PRR12: variants seen among roughly 807,000 people sequenced by gnomAD.
PRR12 encodes the protein proline rich 12, also known as proline-rich protein 12.
A neutral mutation model predicts 138.0 loss-of-function variants in PRR12; 12 were observed. The ratio of observed to expected loss-of-function variants is 0.09; its 90% CI spans 0.06 to 0.14. The LOEUF (loss-of-function observed/expected upper bound fraction) is 0.14, where lower values mean the gene tolerates loss of function less well. Ranked by LOEUF, PRR12 falls within the 10% of genes least tolerant of loss-of-function variation. The pLI, the probability that PRR12 is intolerant of heterozygous loss-of-function variation, is 1.00. For synonymous variants in PRR12, 1,567 were observed against 1,291.7 expected, an observed-to-expected ratio of 1.21 and a Z score of -4.57; for missense variants, 2,692 against 2,861.3, an observed-to-expected ratio of 0.94 and a Z score of 1.35.
In PRR12 at chr19:49,601,068, A is replaced by G. The variant is rs542021999; in HGVS notation, c.4346-423A>G. Among the ~76,000 whole-genome samples the G allele has an allele frequency of 9.2e-5, 14 of 152,216 alleles. No homozygotes were observed. The South Asian group carries it at 2.9e-3, about 32-fold the overall frequency. On this transcript the variant is annotated intron_variant, in intron 5 of 13. Transcript: ENST00000418929. ...AGCCTGAAGAAGGGAGCTGGCAGAC[A>G]GGGGAGAGGTTAGCAGTCTGCATAC...
intron 5 of PRR12, among the ~76,000 whole-genome samples, chr19:49,600,870 G>A (rs1376550112): frequency 3.3e-5 from 5 of 151,928 alleles, no homozygotes; most frequent in East Asian, 3.9e-4. Flanking sequence ...GACTACAGGC[G>A]CGCACCACCA....
rs769282572 is a variant in PRR12, at chr19:49,624,886, G to C, written c.5764G>C (p.Gly1922Arg). Residue 1922 changes from glycine (G) to arginine (R), a missense_variant, in exon 12 of 14, where the codon GGG becomes CGG. Physicochemically the swap from Gly to Arg is moderately radical, Grantham distance 125. Coordinates refer to ENST00000418929, the MANE Select transcript of PRR12 (RefSeq NM_020719.3). ...CCCACAGCTGCAAGTGGAGCAGAGT[G>C]GGGAGGGCTCTCCGGAAGAGGGGGC... ...TFPQLQVEQS[G>R]EGSPEEGAVR... 9 of 1,611,220 alleles carry C rather than the reference G, an allele frequency of 5.6e-6. No homozygotes were observed. The highest frequency in any genetic ancestry group is 1.7e-5 in the Admixed American group (1 of 59,752).
At chr19:49,613,759 G>A (rs147661249) in intron 6 of PRR12, among the ~76,000 whole-genome samples, 1 of 152,282 alleles carries the variant, frequency 6.6e-6, no homozygotes, top group Non-Finnish European at 1.5e-5. Context: ...CTTTTTCAGT[G>A]TCTTAGACTC....
Position 49,594,455 on chromosome 19 carries a change from C to G in PRR12, c.201C>G (p.Gly67=), listed in dbSNP as rs1275740409. 6.3e-7 allele frequency: 1 copy of G among 1,586,832 alleles called. No individual in the cohort carries two copies. The change falls in exon 3 of 14, where the codon GGC becomes GGG. Residue 67 remains glycine, a splice_region_variant and synonymous_variant. Coordinates refer to ENST00000418929, the MANE Select transcript of PRR12 (RefSeq NM_020719.3). This position sits in a 1 kb window ranked among gnomAD's most constrained non-coding sequence, Gnocchi z 5.6. ...QSYATNHHPA[G]LSGLFDTGLH... ...ACTATAACCCCTGTCCCCGGCCAGGCCTCTCTGGACTCTTCGACACTGGCC... is the reference window on the plus strand; with the variant it reads ...ACTATAACCCCTGTCCCCGGCCAGGGCTCTCTGGACTCTTCGACACTGGCC...
intron 11 of PRR12, among the ~76,000 whole-genome samples, chr19:49,622,562 A>T (rs552722988): frequency 6.7e-6 from 1 of 149,074 alleles, no homozygotes; most frequent in South Asian, 2.1e-4. Context: ...ACTGCACTCC[A>T]GCCTGGGCGA....
In PRR12 at chr19:49,623,631, T is replaced by TA. The variant is rs76408039; in HGVS notation, c.5722-1197dup. On this transcript the variant is annotated intron_variant, in intron 11 of 13. Transcript: ENST00000418929. ...TGGGCGACAGAGCGAGACTTTGTCTTAAAAAAAAAAAAAAAAGAATTCTGG... is the reference window on the plus strand; with the variant it reads ...TGGGCGACAGAGCGAGACTTTGTCTTAAAAAAAAAAAAAAAAAGAATTCTGG... Among the ~76,000 whole-genome samples the TA allele has an allele frequency of 5.4e-3, 719 of 133,676 alleles. 4 individuals carry two copies. The highest frequency in any genetic ancestry group is 0.015 in the African/African-American group (531 of 36,034). 87.7% of individuals were successfully genotyped at this position (133,676 alleles called of 152,430 possible).
intron 1 of PRR12, among the ~76,000 whole-genome samples, chr19:49,592,923 T>C (rs1235434812): frequency 6.6e-6 from 1 of 150,754 alleles, no homozygotes; most frequent in Non-Finnish European, 1.5e-5. Context: ...GAGGCGTCCA[T>C]GTGGACCTCT....
chr19:49,622,926 T>TAGAGAGAG (rs1195125504), intron 11 of PRR12, among the ~76,000 whole-genome samples: 4 of 87,484 alleles, frequency 4.6e-5, no homozygotes, highest in East Asian at 4.8e-4. Flanking sequence ...TATATATATA[T>TAGAGAGAG]ATAGAGAGAG....
rs2080777186 is a variant in PRR12 at position 49,597,122 on chromosome 19, C to T, written c.2787C>T (p.Leu929=). 3 of 1,551,116 alleles carry T rather than the reference C, an allele frequency of 1.9e-6. No homozygotes were observed. The highest frequency in any genetic ancestry group is 1.2e-5 in the South Asian group (1 of 84,130). ...QGTKAPRFVP[L]TSICFPDSLL... ...CCAAGGCGCCGCGTTTCGTGCCGCT[C>T]ACCTCCATCTGCTTCCCTGACTCCT... The change falls in exon 4 of 14, where the codon CTC becomes CTT. Residue 929 remains leucine, a synonymous_variant. Transcript: ENST00000418929. The surrounding 1 kb of genome is among the most constrained non-coding windows in gnomAD (Gnocchi z 6.3).
At position 49,595,399 on chromosome 19, in the gene PRR12, C is replaced by G. The variant is rs547583782; in HGVS notation, c.1064C>G (p.Thr355Arg). 1.3e-6 allele frequency: 2 copies of G among 1,542,622 alleles called. No homozygotes were observed. The highest frequency in any genetic ancestry group is 4.9e-5 in the East Asian group (2 of 40,816). Reference protein sequence around the residue: ...EPSKAGPSGATAGASGRATGP... With the variant: ...EPSKAGPSGARAGASGRATGP... ...AGCAAGGCTGGTCCCAGCGGAGCCA[C>G]GGCTGGGGCATCTGGCCGGGCCACG... Residue 355 changes from threonine (T) to arginine (R), a missense_variant, in exon 4 of 14, where the codon ACG becomes AGG. Transcript: ENST00000418929.
intron 5 of PRR12, among the ~76,000 whole-genome samples, chr19:49,600,876 CA>C (rs1048179516): frequency 7.8e-4 from 119 of 152,174 alleles, no homozygotes; most frequent in African/African-American, 2.8e-3. Context: ...AGGCGCGCAC[CA>C]CCATGCCCAG....
In PRR12 at chr19:49,596,822, C is replaced by T. The variant is rs777090954; in HGVS notation, c.2487C>T (p.Arg829=). The T allele has an allele frequency of 1.5e-5, 24 of 1,597,596 alleles. No homozygotes were observed. The highest frequency in any genetic ancestry group is 1.4e-4 in the South Asian group (13 of 90,844). ...VGVHLLEPAT[R]DGAPQPPPPP... ...TCCACCTCCTTGAGCCAGCCACCCG[C>T]GATGGGGCACCCCAGCCACCTCCAC... is the stretch of plus-strand genomic sequence containing the variant. Residue 829 remains arginine (R), a synonymous_variant, in exon 4 of 14, where the codon CGC becomes CGT. Coordinates refer to ENST00000418929, the MANE Select transcript of PRR12 (RefSeq NM_020719.3). The surrounding 1 kb of genome is among the most constrained non-coding windows in gnomAD (Gnocchi z 5.6).
chr19:49,603,928 C>T (rs1157077828), intron 6 of PRR12, among the ~76,000 whole-genome samples: 4 of 152,002 alleles, frequency 2.6e-5, no homozygotes, highest in Admixed American at 1.3e-4. Flanking sequence ...TCAAGCGATT[C>T]TCCTGCCTCA....
rs1465805274 is a variant in PRR12 at position 49,601,776 on chromosome 19, G to A, written c.4631G>A (p.Arg1544Gln). Residue 1544 changes from arginine to glutamine, a missense_variant, in exon 6 of 14, where the codon CGG becomes CAG. Transcript: ENST00000418929. ...GAAGACCCCGAGCTGCCGGACACCCGGCCCCTGCATCTGGCCAAAAAGCAG... is the reference window on the plus strand; with the variant it reads ...GAAGACCCCGAGCTGCCGGACACCCAGCCCCTGCATCTGGCCAAAAAGCAG... ...SPEDPELPDT[R>Q]PLHLAKKQET... 1.9e-5 allele frequency: 30 copies of A among 1,603,496 alleles called. No homozygotes were observed. Among genetic ancestry groups the A allele is most frequent in the East Asian group, 2.3e-5 (1 of 44,422 alleles).
chr19:49,622,946 GAGAGAGAGAGAA>G (rs561942316), intron 11 of PRR12, among the ~76,000 whole-genome samples: 1,827 of 122,122 alleles, frequency 0.015, 18 homozygotes, highest in African/African-American at 0.034. Flanking sequence ...GAGAGAGAGA[GAGAGAGAGAGAA>G]AGAGAGAGAG....
intron 9 of PRR12, among the ~76,000 whole-genome samples, chr19:49,620,040 A>T (rs1202216481): frequency 1.3e-5 from 2 of 150,512 alleles, no homozygotes; most frequent in Non-Finnish European, 3.0e-5. Flanking sequence ...TTTAGTAGAG[A>T]CAGGGTTTTG....
Position 49,595,362 on chromosome 19 carries a change from G to A in PRR12, c.1027G>A (p.Ala343Thr), listed in dbSNP as rs768570799. 1.9e-6 allele frequency: 3 copies of A among 1,540,664 alleles called. No homozygotes were observed. The South Asian group carries it at 3.6e-5, about 19-fold the overall frequency. ...GGGTGGTGGGGAGCCCTCCCCGGGTGCTGGGGAGCCTAGCAAGGCTGGTCC... is the reference window on the plus strand; with the variant it reads ...GGGTGGTGGGGAGCCCTCCCCGGGTACTGGGGAGCCTAGCAAGGCTGGTCC... Reference protein sequence around the residue: ...PLGGGEPSPGAGEPSKAGPSG... With the variant: ...PLGGGEPSPGTGEPSKAGPSG... Residue 343 changes from alanine (A) to threonine (T), a missense_variant, in exon 4 of 14, where the codon GCT (alanine) becomes ACT (threonine). By Grantham distance (58) the Ala-to-Thr change is moderately conservative. Around this residue, in one of 11 missense-constraint regions of PRR12, gnomAD observed 523 missense variants for 496.4 expected, o/e 1.05. Coordinates refer to ENST00000418929, the MANE Select transcript of PRR12 (RefSeq NM_020719.3).
In PRR12 at chr19:49,600,729, A is replaced by G. The variant is rs183443105; in HGVS notation, c.4346-762A>G. Among the ~76,000 whole-genome samples, 53 of 150,944 alleles carry G rather than the reference A, an allele frequency of 3.5e-4. 2 individuals carry two copies. The East Asian group carries it at 8.6e-3, about 25-fold the overall frequency. On this transcript the variant is annotated intron_variant, in intron 5 of 13. Coordinates refer to ENST00000418929, the MANE Select transcript of PRR12 (RefSeq NM_020719.3). ...TTTTTTCTTGAGACAGGGTCTCTCT[A>G]TGTCACCCAGGCTGGAGTGTGGAGT...
chr19:49,611,050 C>T (rs1374757509), intron 6 of PRR12, among the ~76,000 whole-genome samples: 1 of 151,690 alleles, frequency 6.6e-6, no homozygotes, highest in African/African-American at 2.4e-5. Context: ...CCATGTTGGC[C>T]AAGCTGGTCT....
Sources: allele counts gnomAD v4.1 joint callset (sites outside exome capture counted in the v4.1 genomes callset), GRCh38; gene constraint gnomAD v4.1.1; regional missense constraint gnomAD v4.1.1; non-coding constraint Gnocchi (gnomAD v3.1); transcripts MANE v1.5; gene names NCBI Gene and HGNC (gene_info 2026-07-23, HGNC 2026-07-21).